MGAT4C: variants seen among roughly 807,000 people sequenced by gnomAD.
MGAT4C encodes the protein alpha-1,3-mannosyl-glycoprotein 4-beta-N-acetylglucosaminyltransferase C.
MGAT4C carries 19 observed loss-of-function variants against 40.1 expected under a neutral mutation model. The ratio of observed to expected loss-of-function variants is 0.47; its 90% confidence interval spans 0.33 to 0.70. The LOEUF (loss-of-function observed/expected upper bound fraction) is 0.70. Ranked by LOEUF, MGAT4C falls within the 30% of genes least tolerant of loss-of-function variation. The pLI is 0.02. For synonymous variants in MGAT4C, 181 were observed against 187.1 expected, an observed-to-expected ratio of 0.97 and a Z score of 0.27; for missense variants, 491 against 563.2, an observed-to-expected ratio of 0.87 and a Z score of 1.30.
intron 1 of MGAT4C, among the ~76,000 whole-genome samples, chr12:86,055,149 A>G (rs560840843): frequency 6.6e-6 from 1 of 152,102 alleles, no homozygotes; most frequent in African/African-American, 2.4e-5. Flanking sequence ...CATTTTTATC[A>G]GTAGCTTCCA....
chr12:86,577,698 A>T (rs929362827), intron 2 of MGAT4C, among the ~76,000 whole-genome samples: 5 of 151,718 alleles, frequency 3.3e-5, no homozygotes, highest in African/African-American at 9.7e-5. Flanking sequence ...ATTTTGTTGA[A>T]TTTTGTTTGC....
intron 2 of MGAT4C, among the ~76,000 whole-genome samples, chr12:86,546,587 G>A (rs1959194052): frequency 6.6e-6 from 1 of 152,030 alleles, no homozygotes; most frequent in Non-Finnish European, 1.5e-5. Context: ...AGTTCACAAA[G>A]TTAAGCAGAG....
intron 4 of MGAT4C, among the ~76,000 whole-genome samples, chr12:86,296,739 C>G (rs1242221898): frequency 6.6e-6 from 1 of 152,222 alleles, no homozygotes; most frequent in Non-Finnish European, 1.5e-5. Flanking sequence ...GGCCCGCAAG[C>G]GCTGCGCGCA....
chr12:86,158,711 A>G (rs980717372), intron 1 of MGAT4C, among the ~76,000 whole-genome samples: 1 of 152,144 alleles, frequency 6.6e-6, no homozygotes, highest in East Asian at 1.9e-4. Context: ...TTAAATATCT[A>G]AAGTTTACTG....
At chr12:86,651,720 A>G (rs1424066610) in intron 2 of MGAT4C, among the ~76,000 whole-genome samples, 2 of 151,852 alleles carry the variant, frequency 1.3e-5, no homozygotes, top group African/African-American at 4.8e-5. Flanking sequence ...TTTTTAAAAA[A>G]GGTGGATGGG....
At chr12:86,027,989 C>A in intron 2 of MGAT4C, 1 of 368,718 alleles carries the variant, frequency 2.7e-6, no homozygotes, top group East Asian at 7.9e-5. Flanking sequence ...TATACATTTT[C>A]CATTGACCTA....
chr12:86,384,672 A>G (rs1456336139), intron 3 of MGAT4C, among the ~76,000 whole-genome samples: 1 of 152,248 alleles, frequency 6.6e-6, no homozygotes, highest in Non-Finnish European at 1.5e-5. Flanking sequence ...ATAACAAAAT[A>G]TTTATGTATT....
At chr12:86,443,890 G>C (rs561263948) in intron 2 of MGAT4C, among the ~76,000 whole-genome samples, 1 of 152,000 alleles carries the variant, frequency 6.6e-6, no homozygotes, top group South Asian at 2.1e-4. Flanking sequence ...CACCATGCCC[G>C]GCCTGTCTAC....
At chr12:86,755,509 T>C (rs1440692466) in intron 1 of MGAT4C, among the ~76,000 whole-genome samples, 1 of 152,198 alleles carries the variant, frequency 6.6e-6, no homozygotes, top group Non-Finnish European at 1.5e-5. Context: ...ACCCCAGTGC[T>C]AATAAGATCT....
At chr12:86,772,494 C>T (rs909646123) in intron 1 of MGAT4C, among the ~76,000 whole-genome samples, 5 of 152,094 alleles carry the variant, frequency 3.3e-5, no homozygotes, top group African/African-American at 1.2e-4. Context: ...ACAACAGGCC[C>T]GCGAGTAGGT....
At chr12:86,835,069 A>G (rs1462452864) in intron 1 of MGAT4C, among the ~76,000 whole-genome samples, 1 of 151,868 alleles carries the variant, frequency 6.6e-6, no homozygotes, top group Non-Finnish European at 1.5e-5. Flanking sequence ...AATTTTCCAA[A>G]TATCAATGTG....
At position 86,476,311 on chromosome 12, in the gene MGAT4C, A is replaced by G. The variant is rs562702607; in HGVS notation, c.-228-41046T>C. On this transcript the variant is annotated intron_variant, in intron 2 of 7. Transcript: ENST00000548651. ...GACACTTCTGAAAAGAAGACATACAAGTGGCCAAGAAACATATGAAACAAT... is the reference window on the plus strand; with the variant it reads ...GACACTTCTGAAAAGAAGACATACAGGTGGCCAAGAAACATATGAAACAAT... Among the ~76,000 whole-genome samples the G allele has an allele frequency of 5.3e-5, 8 of 152,214 alleles. No individual in the cohort carries two copies. In the South Asian group the frequency reaches 1.7e-3, roughly 32 times the overall value.
At chr12:86,294,747 C>G (rs941545426) in intron 4 of MGAT4C, among the ~76,000 whole-genome samples, 1 of 152,140 alleles carries the variant, frequency 6.6e-6, no homozygotes, top group East Asian at 1.9e-4. Context: ...TTTCTTGTCC[C>G]AGTATCAGCA....
intron 1 of MGAT4C, among the ~76,000 whole-genome samples, chr12:86,776,163 G>A (rs996427296): frequency 1.3e-5 from 2 of 151,960 alleles, no homozygotes; most frequent in Non-Finnish European, 2.9e-5. Flanking sequence ...GCCAATATAA[G>A]ATTAAATGTG....
rs151026101 is a variant in MGAT4C at position 86,042,470 on chromosome 12, C to A, written c.-7+7204G>T. Among the ~76,000 whole-genome samples, 819 of 152,264 alleles carry A rather than the reference C, an allele frequency of 5.4e-3. 8 individuals carry two copies. The highest frequency in any genetic ancestry group is 0.017 in the African/African-American group (725 of 41,552). On this transcript the variant is annotated intron_variant, in intron 2 of 4. Coordinates refer to ENST00000611864, the MANE Select transcript of MGAT4C (RefSeq NM_001351288.2). Reference sequence around the variant, plus strand: ...TGCAGTCTTTCCTATCCATATTTGGCACTACCTTCAGGACCTCTTGTACAA... The same window carrying A: ...TGCAGTCTTTCCTATCCATATTTGGAACTACCTTCAGGACCTCTTGTACAA...
chr12:86,439,155 C>CA (rs1265959375), intron 2 of MGAT4C, among the ~76,000 whole-genome samples: 2 of 151,880 alleles, frequency 1.3e-5, no homozygotes, highest in Non-Finnish European at 2.9e-5. Flanking sequence ...ACATTCTACC[C>CA]AATAACTGCA....
At chr12:86,735,719 A>G (rs1593161783) in intron 1 of MGAT4C, among the ~76,000 whole-genome samples, 1 of 151,808 alleles carries the variant, frequency 6.6e-6, no homozygotes, top group Admixed American at 6.6e-5. Flanking sequence ...ATTAGATCAT[A>G]TAATCTTTGA....
chr12:86,492,980 G>A (rs1958168066), intron 2 of MGAT4C, among the ~76,000 whole-genome samples: 2 of 151,606 alleles, frequency 1.3e-5, no homozygotes, highest in African/African-American at 4.9e-5. Context: ...TCAAAAAGTG[G>A]GTGAAGGACA....
At chr12:86,421,851 G>A (rs770509778) in intron 3 of MGAT4C, among the ~76,000 whole-genome samples, 26 of 152,200 alleles carry the variant, frequency 1.7e-4, no homozygotes, top group Non-Finnish European at 2.9e-4. Flanking sequence ...CATATCATGC[G>A]TATGTTATAT....
Sources: gnomAD v4.1 joint callset for allele counts (sites outside exome capture counted in the v4.1 genomes callset) on GRCh38, gnomAD v4.1.1 for gene constraint, MANE v1.5 for transcripts, NCBI Gene and HGNC (gene_info 2026-07-23, HGNC 2026-07-21) for gene names.